IFI44: variants seen among roughly 807,000 people sequenced by gnomAD.
The protein encoded by IFI44 is interferon induced protein 44.
IFI44 carries 42 observed loss-of-function variants against 45.0 expected under a neutral mutation model. That is an observed-to-expected ratio of 0.93 (90% CI 0.73 to 1.21). The LOEUF (loss-of-function observed/expected upper bound fraction) is 1.21, where lower values mean the gene tolerates loss of function less well. Ranked by LOEUF, IFI44 falls within the 50% of genes most tolerant of loss-of-function variation. The pLI is 0.00. For missense variants in IFI44, 623 were observed against 525.8 expected (o/e 1.18, Z -1.81); for synonymous variants, 221 against 188.6 (o/e 1.17, Z -1.41).
chr1:78,659,201 G>C, intron 5 of IFI44, 111 bp from the exon 6 acceptor site: 1 of 840,064 alleles, frequency 1.2e-6, no homozygotes, highest in Admixed American at 2.2e-5. Flanking sequence ...CATACTATTA[G>C]AGACTTTTCT....
At chr1:78,660,703 C>A (rs760246658) in intron 7 of IFI44, 49 bp downstream of exon 7, 1 of 1,107,416 alleles carries the variant, frequency 9.0e-7, no homozygotes, top group Admixed American at 1.7e-5. Context: ...TATGTTACTA[C>A]AATCACATAC....
At chr1:78,661,788 C>T (rs993570773) in intron 7 of IFI44, among the ~76,000 whole-genome samples, 6 of 151,940 alleles carry the variant, frequency 3.9e-5, no homozygotes, top group East Asian at 1.9e-4. Context: ...CACAGGGAAA[C>T]GGCTTTCAAG....
Position 78,650,382 on chromosome 1 carries a change from G to A in IFI44, c.187G>A (p.Ala63Thr), listed in dbSNP as rs1647102686. 3.7e-6 allele frequency: 6 copies of A among 1,613,920 alleles called. No homozygotes were observed. The highest frequency in any genetic ancestry group is 1.3e-5 in the African/African-American group (1 of 74,904). ...VIYSEDHIIG[A>T]YAEESYQEGK... ...TTATAGTGAAGATCATATTATTGGA[G>A]CATATGCAGAAGAGAGTTACCAGGA... The change falls in exon 2 of 9, where the codon GCA becomes ACA. Residue 63 changes from alanine to threonine, a missense_variant. Physicochemically the swap from Ala to Thr is moderately conservative, Grantham distance 58 (BLOSUM62 0). Transcript: ENST00000370747.
chr1:78,655,421 T>C lies in IFI44; in HGVS notation c.750T>C (p.Cys250=), dbSNP rs1452319843. The C allele has an allele frequency of 1.2e-6, 2 of 1,613,842 alleles. No individual in the cohort carries two copies. Among genetic ancestry groups the C allele is most frequent in the South Asian group, 2.2e-5 (2 of 91,078 alleles). The change falls in exon 5 of 9, where the codon TGT becomes TGC. Residue 250 remains cysteine, a synonymous_variant. Transcript: ENST00000370747. ...KDGKYLPFIL[C]DSLGLSEKEG... is the part of the protein sequence containing the mutation. ...GCAAATACCTGCCGTTTATTCTGTGTGACTCACTGGGGCTGAGTGAGAAAG... is the reference window on the plus strand; with the variant it reads ...GCAAATACCTGCCGTTTATTCTGTGCGACTCACTGGGGCTGAGTGAGAAAG...
At position 78,663,903 on chromosome 1, in the gene IFI44, C is replaced by A. The variant is rs1307234289; in HGVS notation, c.*92C>A. 3.4e-6 allele frequency: 4 copies of A among 1,177,352 alleles called. 1 individual carries two copies. The highest frequency in any genetic ancestry group is 4.8e-6 in the Non-Finnish European group (4 of 833,562). 72.9% of individuals were successfully genotyped at this position (1,177,352 alleles called of 1,614,324 possible). On this transcript the variant is annotated 3_prime_UTR_variant, in exon 9 of 9. Transcript: ENST00000370747. ...CAGACCAAAGAGAAGTATCTAAGACCAAAGGGATGTGTTTTATTAATGTCT... is the reference window on the plus strand; with the variant it reads ...CAGACCAAAGAGAAGTATCTAAGACAAAAGGGATGTGTTTTATTAATGTCT...
intron 7 of IFI44, among the ~76,000 whole-genome samples, chr1:78,661,656 G>C (rs1647465085): frequency 6.6e-6 from 1 of 152,104 alleles, no homozygotes; most frequent in Non-Finnish European, 1.5e-5. Context: ...AAGTTGACAA[G>C]AGATTATGTA....
chr1:78,657,831 T>C (rs1334838690), intron 5 of IFI44, among the ~76,000 whole-genome samples: 1 of 152,170 alleles, frequency 6.6e-6, no homozygotes, highest in East Asian at 1.9e-4. Context: ...CAATCCATTG[T>C]AGGTTTTCTC....
chr1:78,654,042 T>C (rs1647165736), intron 2 of IFI44, among the ~76,000 whole-genome samples: 2 of 152,220 alleles, frequency 1.3e-5, no homozygotes, highest in South Asian at 2.1e-4. Context: ...CCTCTAGCCC[T>C]AGCCTCTTCA....
intron 2 of IFI44, among the ~76,000 whole-genome samples, chr1:78,651,875 G>A (rs1447334488): frequency 6.6e-6 from 1 of 152,052 alleles, no homozygotes; most frequent in African/African-American, 2.4e-5. Context: ...ATAGAGGCAA[G>A]CAGAAACCTA....
chr1:78,654,297 A>C lies in IFI44; in HGVS notation c.494+18A>C, dbSNP rs753268116. ...GTCATTGAGTAAGTCAATGTTTTTA[A>C]GATTCTATTACTCTCTTCATTATCT... is the stretch of plus-strand genomic sequence containing the variant. On this transcript the variant is annotated intron_variant, in intron 3 of 8. Transcript: ENST00000370747. 1 of 1,308,546 alleles carries C rather than the reference A, an allele frequency of 7.6e-7. No individual in the cohort carries two copies. The allele number at this position is 1,308,546 out of a possible 1,614,324, so 81.1% of individuals were successfully genotyped here.
intron 2 of IFI44, among the ~76,000 whole-genome samples, chr1:78,653,477 A>G (rs1647155695): frequency 6.6e-6 from 1 of 152,202 alleles, no homozygotes. Context: ...CTTTGTTGCC[A>G]TACATATAGC....
chr1:78,660,473 G>T (rs985540469), intron 6 of IFI44, 81 bp from the exon 7 acceptor site: 2 of 1,000,280 alleles, frequency 2.0e-6, no homozygotes, highest in South Asian at 1.4e-5. Flanking sequence ...TCCATAGGTT[G>T]CCTATTACAT....
intron 5 of IFI44, among the ~76,000 whole-genome samples, chr1:78,658,654 C>T (rs1306437805): frequency 6.6e-6 from 1 of 152,142 alleles, no homozygotes; most frequent in East Asian, 1.9e-4. Context: ...TTTCTCCCCT[C>T]TTCCCATTAG....
At position 78,663,631 on chromosome 1, in the gene IFI44, C is replaced by A. The variant is rs930508339; in HGVS notation, c.1289-134C>A. 2.1e-6 allele frequency: 3 copies of A among 1,396,628 alleles called. No homozygotes were observed. In the African/African-American group the frequency reaches 4.4e-5, roughly 21 times the overall value. 86.5% of individuals were successfully genotyped at this position (1,396,628 alleles called of 1,614,324 possible). ...ACTCTGCCATCTTGGTTTCCCCATC[C>A]CTTCTCTTCCTCATGGTACGTGTGC... On this transcript the variant is annotated intron_variant, in intron 8 of 8. Transcript: ENST00000370747.
chr1:78,651,985 G>A (rs1647131373), intron 2 of IFI44, among the ~76,000 whole-genome samples: 2 of 152,078 alleles, frequency 1.3e-5, no homozygotes, highest in Non-Finnish European at 1.5e-5. Flanking sequence ...ATAGGCAGGG[G>A]TTTTAAGTGA....
At position 78,662,746 on chromosome 1, in the gene IFI44, A is replaced by G; in HGVS notation, c.1156A>G (p.Ile386Val). The change falls in exon 8 of 9, where the codon ATC becomes GTC. Residue 386 changes from isoleucine (I) to valine (V), a missense_variant. By Grantham distance (29) the Ile-to-Val change is conservative (BLOSUM62 3). Transcript: ENST00000370747. ...AAAACTTGGATTTGCTCTTTCTGAC[A>G]TCTCGGTGGTTAGCAATTATTCCTC... ...QRKLGFALSD[I>V]SVVSNYSSEW... 1 of 1,613,042 alleles carries G rather than the reference A, an allele frequency of 6.2e-7. No individual in the cohort carries two copies. The highest frequency in any genetic ancestry group is 8.5e-7 in the Non-Finnish European group (1 of 1,179,650).
chr1:78,652,128 C>G (rs1260865347), intron 2 of IFI44, among the ~76,000 whole-genome samples: 1 of 152,136 alleles, frequency 6.6e-6, no homozygotes, highest in Non-Finnish European at 1.5e-5. Flanking sequence ...GTCACCCAGG[C>G]TGGAGCGCAG....
intron 2 of IFI44, among the ~76,000 whole-genome samples, chr1:78,650,970 T>G (rs1647114719): frequency 1.3e-5 from 2 of 152,196 alleles, no homozygotes; most frequent in Non-Finnish European, 2.9e-5. Flanking sequence ...TTTATTTCCC[T>G]CATCATTATA....
rs184621145 is a variant in IFI44 at position 78,661,092 on chromosome 1, A to G, written c.1113+438A>G. On this transcript the variant is annotated intron_variant, in intron 7 of 8. Transcript: ENST00000370747. ...TTCAAAATTTATTTTTTTGAGATGA[A>G]GTTTCTGTTGCCCAGGCTGGAGTGC... 1.1e-3 allele frequency among the ~76,000 whole-genome samples: 170 copies of G among 152,152 alleles called. 1 individual carries two copies. The highest frequency in any genetic ancestry group is 3.8e-3 in the African/African-American group (159 of 41,532).
Sources: allele counts gnomAD v4.1 joint callset (sites outside exome capture counted in the v4.1 genomes callset), GRCh38; gene constraint gnomAD v4.1.1; transcripts MANE v1.5; gene names NCBI Gene and HGNC (gene_info 2026-07-23, HGNC 2026-07-21).